The following NEU4 variants were observed in gnomAD, a reference collection of about 807,000 sequenced individuals.
The protein encoded by NEU4 is sialidase-4.
In NEU4, 7 loss-of-function variants were observed where a neutral mutation model predicts 9.9. The observed-to-expected ratio is 0.71, with a 90% CI of 0.40 to 1.33. The LOEUF (loss-of-function observed/expected upper bound fraction) is 1.33. Among genes scored for constraint, NEU4 ranks in the 40% most tolerant of loss-of-function variants. NEU4 has a pLI of 0.01. For missense variants in NEU4, 717 were observed against 712.6 expected, an observed-to-expected ratio of 1.01 and a Z score of -0.07; for synonymous variants, 348 against 316.9, an observed-to-expected ratio of 1.10 and a Z score of -1.04.
intron 1 of NEU4, chr2:241,813,632 C>A (rs780229391): frequency 8.0e-6 from 7 of 873,756 alleles, no homozygotes; most frequent in Middle Eastern, 2.6e-4. Flanking sequence ...GGGCCCCACT[C>A]GGCTTTGGAG....
rs537701318 is a variant in NEU4 at position 241,816,749 on chromosome 2, C to G, written c.1156C>G (p.Arg386Gly). 1 of 1,569,302 alleles carries G rather than the reference C, an allele frequency of 6.4e-7. No homozygotes were observed. Among genetic ancestry groups the G allele is most frequent in the South Asian group, 1.2e-5 (1 of 86,060 alleles). Residue 386 changes from arginine (R) to glycine (G), a missense_variant, in exon 4 of 4, where the codon CGC becomes GGC. Physicochemically the swap from Arg to Gly is moderately radical, Grantham distance 125 (BLOSUM62 -2). Transcript: ENST00000407683. ...GCTGCTGTACTCCCACCCAGTGGGG[C>G]GCAGGGCTCGGCTACACATGGGTAT... is the stretch of plus-strand genomic sequence containing the variant. Reference protein sequence around the residue: ...TWLLYSHPVGRRARLHMGIRL... With the variant: ...TWLLYSHPVGGRARLHMGIRL...
chr2:241,809,344 G>A, intron 1 of NEU4, 70 bp downstream of exon 1: 1 of 912,284 alleles, frequency 1.1e-6, no homozygotes, highest in Non-Finnish European at 1.5e-6. Context: ...TTGCAGTAGA[G>A]AGTGTTGAGA....
intron 1 of NEU4, 143 bp downstream of exon 1, chr2:241,809,417 A>T (rs1245125632): frequency 2.5e-6 from 1 of 405,220 alleles, no homozygotes; most frequent in Admixed American, 3.2e-5. Flanking sequence ...CGTGCAGCCC[A>T]TAAAAGGGGG....
chr2:241,815,162 T>C lies in NEU4; in HGVS notation c.457+15T>C. 1 of 1,524,302 alleles carries C rather than the reference T, an allele frequency of 6.6e-7. No individual in the cohort carries two copies. Among genetic ancestry groups the C allele is most frequent in the Non-Finnish European group, 8.8e-7 (1 of 1,137,702 alleles). 94.4% of individuals were successfully genotyped at this position (1,524,302 alleles called of 1,614,324 possible). ...TGCCGTGCAGGGTAGGCGGGCAGGG[T>C]GCCGGTCTGGGTCCCTTTGATTGGC... On this transcript the variant is annotated intron_variant, in intron 3 of 3. Coordinates refer to ENST00000407683, the MANE Select transcript of NEU4 (RefSeq NM_001167600.3).
intron 2 of NEU4, 37 bp downstream of exon 2, chr2:241,814,722 G>A: frequency 6.6e-7 from 1 of 1,522,142 alleles, no homozygotes; most frequent in Non-Finnish European, 8.8e-7. Context: ...TGGGTGTAGT[G>A]GCCGGATCTG....
chr2:241,814,832 C>T (rs533444973), intron 2 of NEU4, 60 bp from the exon 3 acceptor site: 114 of 1,564,978 alleles, frequency 7.3e-5, no homozygotes, highest in African/African-American at 9.5e-5. Context: ...GGGTGCCCTG[C>T]GGGGGGCTGT....
At position 241,815,037 on chromosome 2, in the gene NEU4, C is replaced by G; in HGVS notation, c.347C>G (p.Ala116Gly). ...CACACGCCTGAGGCCGTGCAGATCG[C>G]CACGGGAAGGAACGCCGCGCGCCTC... ...LGHTPEAVQI[A>G]TGRNAARLCC... Residue 116 changes from alanine to glycine, a missense_variant, in exon 3 of 4, where the codon GCC (alanine) becomes GGC (glycine). Ala to Gly is a moderately conservative substitution (Grantham distance 60). Coordinates refer to ENST00000407683, the MANE Select transcript of NEU4 (RefSeq NM_001167600.3). The G allele has an allele frequency of 6.3e-7, 1 of 1,599,072 alleles. No individual in the cohort carries two copies.
chr2:241,815,775 T>G (rs1412935537), intron 3 of NEU4: 2 of 585,692 alleles, frequency 3.4e-6, no homozygotes, highest in East Asian at 5.7e-5. Flanking sequence ...CAGGGCCTCA[T>G]GCCCCCCGCC....
At chr2:241,813,627 C>T in intron 1 of NEU4, 1 of 934,058 alleles carries the variant, frequency 1.1e-6, no homozygotes, top group Non-Finnish European at 1.5e-6. Flanking sequence ...CCGCCGGGCC[C>T]CACTCGGCTT....
At chr2:241,809,387 C>T (rs924342120) in intron 1 of NEU4, 113 bp downstream of exon 1, 7 of 507,476 alleles carry the variant, frequency 1.4e-5, no homozygotes, top group African/African-American at 2.0e-5. Context: ...TGAGAAGGGG[C>T]GGTTAAAATG....
chr2:241,817,189 C>T lies in NEU4; in HGVS notation c.*141C>T. The T allele has an allele frequency of 1.2e-6, 1 of 829,492 alleles. No homozygotes were observed. Among genetic ancestry groups the T allele is most frequent in the Non-Finnish European group, 1.7e-6 (1 of 572,920 alleles). 51.4% of individuals were successfully genotyped at this position (829,492 alleles called of 1,614,324 possible). On this transcript the variant is annotated 3_prime_UTR_variant, in exon 4 of 4. Coordinates refer to ENST00000407683, the MANE Select transcript of NEU4 (RefSeq NM_001167600.3). ...GAAACAAGTTGCTCCTCAGAGCTCT[C>T]AAGCAGGGACTGCTCTTTAGGAAGG...
At chr2:241,815,488 C>G in intron 3 of NEU4, 1 of 532,070 alleles carries the variant, frequency 1.9e-6, no homozygotes, top group Non-Finnish European at 3.7e-6. Context: ...AGCAGGCCCT[C>G]TATGGCTGAC....
In NEU4 at chr2:241,816,803, C is replaced by A. The variant is rs748651206; in HGVS notation, c.1210C>A (p.Arg404Ser). The A allele has an allele frequency of 4.4e-6, 7 of 1,603,740 alleles. No individual in the cohort carries two copies. The African/African-American group carries it at 6.7e-5, about 15-fold the overall frequency. The stretch of plus-strand genomic sequence containing the variant: ...CCTGAGCCAGTCCCCGCTGGACCCG[C>A]GCAGCTGGACAGAGCCCTGGGTGAT... ...IRLSQSPLDP[R>S]SWTEPWVIYE... The change falls in exon 4 of 4, where the codon CGC becomes AGC. Residue 404 changes from arginine to serine, a missense_variant. Transcript: ENST00000407683.
rs1559431376 is a variant in NEU4 at position 241,816,150 on chromosome 2, G to A, written c.557G>A (p.Cys186Tyr). Residue 186 changes from cysteine (C) to tyrosine (Y), a missense_variant, in exon 4 of 4, where the codon TGT becomes TAT. Transcript: ENST00000407683. ...ACCTACCGCGTGGACCGCCGAGAGT[G>A]TTTTGGCAAGATCTGCCGGACCAGC... Reference protein sequence around the residue: ...AYTYRVDRRECFGKICRTSPH... With the variant: ...AYTYRVDRREYFGKICRTSPH... 1.2e-5 allele frequency: 19 copies of A among 1,612,426 alleles called. No individual in the cohort carries two copies. The highest frequency in any genetic ancestry group is 3.3e-5 in the Admixed American group (2 of 59,944).
chr2:241,815,053 C>T lies in NEU4; in HGVS notation c.363C>T (p.Ala121=), dbSNP rs763708165. 1.9e-5 allele frequency: 30 copies of T among 1,589,204 alleles called. No individual in the cohort carries two copies. The African/African-American group carries it at 2.0e-4, about 11-fold the overall frequency. ...EAVQIATGRN[A]ARLCCVASRD... is the part of the protein sequence containing the mutation. ...TGCAGATCGCCACGGGAAGGAACGC[C>T]GCGCGCCTCTGCTGTGTGGCCAGCC... The change falls in exon 3 of 4, where the codon GCC becomes GCT. Residue 121 remains alanine, a synonymous_variant. Transcript: ENST00000407683.
At chr2:241,810,330 C>T (rs2125207188) in intron 1 of NEU4, 1 of 151,940 alleles carries the variant, frequency 6.6e-6, no homozygotes, top group Admixed American at 6.5e-5. Flanking sequence ...TCAGATGAGT[C>T]AGAAGGAGCT....
Position 241,816,095 on chromosome 2 carries a change from C to G in NEU4, c.502C>G (p.Pro168Ala). 2 of 1,610,442 alleles carry G rather than the reference C, an allele frequency of 1.2e-6. No homozygotes were observed. Among genetic ancestry groups the G allele is most frequent in the Non-Finnish European group, 1.7e-6 (2 of 1,179,046 alleles). ...AVGPGHGVQL[P>A]SGRLLVPAYT... ...GGGTCCCGGCCACGGTGTGCAGCTG[C>G]CCTCAGGCCGCCTGCTGGTACCCGC... is the stretch of plus-strand genomic sequence containing the variant. Residue 168 changes from proline (P) to alanine (A), a missense_variant, in exon 4 of 4, where the codon CCC becomes GCC. Physicochemically the swap from Pro to Ala is conservative, Grantham distance 27. Coordinates refer to ENST00000407683, the MANE Select transcript of NEU4 (RefSeq NM_001167600.3).
chr2:241,809,229 A>T lies in NEU4; in HGVS notation c.-49A>T. On this transcript the variant is annotated 5_prime_UTR_variant, in exon 1 of 4. Coordinates refer to ENST00000407683, the MANE Select transcript of NEU4 (RefSeq NM_001167600.3). The stretch of plus-strand genomic sequence containing the variant: ...AGAAATGAAGTTACAGGAGGGGCAC[A>T]CCGTCCTTTTGTCTCTGCCTTTGAG... The T allele has an allele frequency of 3.1e-6, 4 of 1,289,078 alleles. No homozygotes were observed. The highest frequency in any genetic ancestry group is 1.0e-6 in the Non-Finnish European group (1 of 988,610). 79.9% of individuals were successfully genotyped at this position (1,289,078 alleles called of 1,614,324 possible).
At chr2:241,811,162 C>T (rs1306881724) in intron 1 of NEU4, 1 of 1,226,362 alleles carries the variant, frequency 8.2e-7, no homozygotes, top group East Asian at 3.2e-5. Context: ...CCAGCACAGC[C>T]CTTGTTGGAG....
Sources: allele counts gnomAD v4.1 joint callset, GRCh38; gene constraint gnomAD v4.1.1; transcripts MANE v1.5; gene names NCBI Gene and HGNC (gene_info 2026-07-23, HGNC 2026-07-21).